The following PDGFRA variants were observed in gnomAD, a reference collection of about 807,000 sequenced individuals.
The protein encoded by PDGFRA is platelet-derived growth factor receptor alpha.
In PDGFRA, 25 loss-of-function variants were observed where a neutral mutation model predicts 121.5. The ratio of observed to expected loss-of-function variants is 0.21; its 90% confidence interval spans 0.15 to 0.29. The LOEUF is 0.29. Ranked by LOEUF, PDGFRA falls within the 10% of genes least tolerant of loss-of-function variation. The pLI is 1.00. For synonymous variants in PDGFRA, 463 were observed against 494.8 expected (o/e 0.94, Z 0.85); for missense variants, 1,008 against 1,345.1 (o/e 0.75, Z 3.92).
In PDGFRA at chr4:54,289,130, T is replaced by C; in HGVS notation, c.2880+16T>C. 1 of 1,415,318 alleles carries C rather than the reference T, an allele frequency of 7.1e-7. No individual in the cohort carries two copies. Among genetic ancestry groups the C allele is most frequent in the Non-Finnish European group, 1.0e-6 (1 of 998,622 alleles). The allele number at this position is 1,415,318 out of a possible 1,614,324, so 87.7% of individuals were successfully genotyped here. On this transcript the variant is annotated intron_variant, in intron 21 of 22. Coordinates refer to ENST00000257290, the MANE Select transcript of PDGFRA (RefSeq NM_006206.6). ...ATATAAAAAGGTGTGTTTGGATCTG[T>C]GGGTGGAAAGGTCTGGATAAAGCTG...
rs878854825 is a variant in PDGFRA, at chr4:54,277,450, C to G, written c.1849C>G (p.Arg617Gly). The G allele has an allele frequency of 6.2e-7, 1 of 1,613,976 alleles. No homozygotes were observed. Among genetic ancestry groups the G allele is most frequent in the South Asian group, 1.1e-5 (1 of 91,074 alleles). ...VVEGTAYGLSRSQPVMKVAVK... is the reference protein window; with the variant it reads ...VVEGTAYGLSGSQPVMKVAVK... Reference sequence around the variant, plus strand: ...TGAAGGAACAGCCTATGGATTAAGCCGGTCCCAACCTGTCATGAAAGTTGC... The same window carrying G: ...TGAAGGAACAGCCTATGGATTAAGCGGGTCCCAACCTGTCATGAAAGTTGC... Residue 617 changes from arginine (R) to glycine (G), a missense_variant, in exon 13 of 23, where the codon CGG (arginine) becomes GGG (glycine). This residue lies in a region of PDGFRA where 61 missense variants were observed against 125.3 expected (regional missense o/e 0.49). Transcript: ENST00000257290.
Position 54,239,937 on chromosome 4 carries a change from A to C in PDGFRA, c.-13+10522A>C, listed in dbSNP as rs373252471. 4.8e-4 allele frequency: 103 copies of C among 213,374 alleles called. 2 individuals are homozygous for C. The highest frequency in any genetic ancestry group is 4.2e-3 in the South Asian group (88 of 21,040). The allele number at this position is 213,374 out of a possible 1,614,324, so 13.2% of individuals were successfully genotyped here. On this transcript the variant is annotated intron_variant, in intron 1 of 22. Coordinates refer to ENST00000257290, the MANE Select transcript of PDGFRA (RefSeq NM_006206.6). ...ATAATCATGGCTCACTGAAGCCTGG[A>C]CCTCACTGGCTCAAGTGATCCTTCC...
chr4:54,295,502 T>G lies in PDGFRA; in HGVS notation c.*230T>G. The G allele has an allele frequency of 1.8e-6, 1 of 552,040 alleles. No homozygotes were observed. The highest frequency in any genetic ancestry group is 3.3e-6 in the Non-Finnish European group (1 of 306,292). The allele number at this position is 552,040 out of a possible 1,614,324, so 34.2% of individuals were successfully genotyped here. A position where few individuals can be genotyped will look rare whatever the true frequency, so the allele number is the denominator to read the frequency against. The stretch of plus-strand genomic sequence containing the variant: ...GCCTCAGTAGCATCTCAGTGGTGTG[T>G]GAAGTTTGGAGATAGATGGATAAGG... On this transcript the variant is annotated 3_prime_UTR_variant, in exon 23 of 23. Coordinates refer to ENST00000257290, the MANE Select transcript of PDGFRA (RefSeq NM_006206.6).
rs1423333178 is a variant in PDGFRA, at chr4:54,285,834, C to G, written c.2440-7C>G. On this transcript the variant is annotated splice_polypyrimidine_tract_variant and splice_region_variant and intron_variant, in intron 17 of 22. Transcript: ENST00000257290. ...GATCCTGAGTCATTTCTTCCTTTTC[C>G]ATGCAGTGTGTCCACCGTGATCTGG... 6.2e-7 allele frequency: 1 copy of G among 1,613,856 alleles called. No individual in the cohort carries two copies. Among genetic ancestry groups the G allele is most frequent in the Non-Finnish European group, 8.5e-7 (1 of 1,179,936 alleles).
intron 1 of PDGFRA, chr4:54,229,907 T>C (rs911784903): frequency 9.1e-6 from 1 of 110,452 alleles, no homozygotes; most frequent in Admixed American, 1.1e-4. Flanking sequence ...CTGCAGCCCA[T>C]GGTGTGGAGC....
At chr4:54,231,453 C>T (rs1198039042) in intron 1 of PDGFRA, among the ~76,000 whole-genome samples, 1 of 152,242 alleles carries the variant, frequency 6.6e-6, no homozygotes, top group African/African-American at 2.4e-5. Context: ...CAAACATCCC[C>T]GGAGCCACAG....
rs980423600 is a variant in PDGFRA at position 54,297,405 on chromosome 4, A to G, written c.*2133A>G. On this transcript the variant is annotated 3_prime_UTR_variant, in exon 23 of 23. Transcript: ENST00000257290. The stretch of plus-strand genomic sequence containing the variant: ...TGCGAAGACTGAGCCAGATTGGCCA[A>G]TTAAAAACGAAAACCTGACTAGGTT... 9 of 233,774 alleles carry G rather than the reference A, an allele frequency of 3.8e-5. No homozygotes were observed. Among genetic ancestry groups the G allele is most frequent in the African/African-American group, 1.5e-4 (7 of 45,492 alleles). 14.5% of individuals were successfully genotyped at this position (233,774 alleles called of 1,614,324 possible).
intron 5 of PDGFRA, among the ~76,000 whole-genome samples, chr4:54,266,411 C>CTTTTTTTTTTTT (rs552308043): frequency 1.5e-5 from 2 of 130,548 alleles, no homozygotes; most frequent in Non-Finnish European, 1.7e-5. Context: ...TTTCTTTTTT[C>CTTTTTTTTTTTT]TTTTTTTTTT....
rs1289764171 is a variant in PDGFRA, at chr4:54,267,174, T to C, written c.760-115T>C. On this transcript the variant is annotated intron_variant, in intron 5 of 22. Coordinates refer to ENST00000257290, the MANE Select transcript of PDGFRA (RefSeq NM_006206.6). ...CAACATCCCTACCATCCATTTGTTA[T>C]AACTGCTGAACCTCCATTGACACAT... 5 of 1,012,112 alleles carry C rather than the reference T, an allele frequency of 4.9e-6. No homozygotes were observed. In the African/African-American group the frequency reaches 7.9e-5, roughly 16 times the overall value. The allele number at this position is 1,012,112 out of a possible 1,614,324, so 62.7% of individuals were successfully genotyped here.
intron 18 of PDGFRA, among the ~76,000 whole-genome samples, 191 bp downstream of exon 18, chr4:54,286,154 G>A (rs1333326792): frequency 1.3e-5 from 2 of 152,060 alleles, no homozygotes; most frequent in Non-Finnish European, 2.9e-5. Flanking sequence ...ATTTGGATTT[G>A]GGGCTAGATA....
intron 1 of PDGFRA, among the ~76,000 whole-genome samples, chr4:54,237,881 TGA>T (rs1721099311): frequency 1.3e-5 from 2 of 152,196 alleles, no homozygotes; most frequent in South Asian, 2.1e-4. Context: ...GACCTTCCCT[TGA>T]GAGAGACCAT....
chr4:54,242,799 G>T (rs1023700182), intron 1 of PDGFRA, among the ~76,000 whole-genome samples: 4 of 152,088 alleles, frequency 2.6e-5, no homozygotes, highest in African/African-American at 9.7e-5. Flanking sequence ...AGGTGCCACA[G>T]ACCTCGTTTT....
chr4:54,268,605 C>T (rs1004093383), intron 7 of PDGFRA, among the ~76,000 whole-genome samples: 5 of 152,170 alleles, frequency 3.3e-5, no homozygotes, highest in Non-Finnish European at 7.3e-5. Context: ...GATTTGCTTT[C>T]TTCTTTGTGA....
rs538968239 is a variant in PDGFRA at position 54,248,399 on chromosome 4, A to C, written c.-12-10358A>C. ...ATCAATGGAACAGAACAGAACCCTC[A>C]GAAATAACGCCGCATATCTACAACT... On this transcript the variant is annotated intron_variant, in intron 1 of 22. Coordinates refer to ENST00000257290, the MANE Select transcript of PDGFRA (RefSeq NM_006206.6). 6.9e-3 allele frequency among the ~76,000 whole-genome samples: 1,057 copies of C among 152,358 alleles called. 9 individuals carry two copies. The highest frequency in any genetic ancestry group is 0.024 in the African/African-American group (996 of 41,582).
At chr4:54,270,792 G>A (rs1482083913) in intron 8 of PDGFRA, 44 bp downstream of exon 8, 4 of 1,109,760 alleles carry the variant, frequency 3.6e-6, no homozygotes, top group Non-Finnish European at 2.8e-6. Flanking sequence ...CTGTAGATGA[G>A]TGTCTTCCAA....
At chr4:54,253,924 A>G (rs1722207868) in intron 1 of PDGFRA, among the ~76,000 whole-genome samples, 1 of 152,094 alleles carries the variant, frequency 6.6e-6, no homozygotes, top group African/African-American at 2.4e-5. Context: ...ACCTCAAGTG[A>G]TTCACCCACC....
chr4:54,239,990 A>G (rs1343559478), intron 1 of PDGFRA: 7 of 384,296 alleles, frequency 1.8e-5, no homozygotes, highest in Non-Finnish European at 3.7e-5. Context: ...AGCTGGGACT[A>G]TAGGCATGCA....
intron 21 of PDGFRA, among the ~76,000 whole-genome samples, chr4:54,289,663 T>C (rs894502283): frequency 5.3e-5 from 8 of 152,236 alleles, no homozygotes; most frequent in African/African-American, 1.9e-4. Context: ...GATTAGTCCC[T>C]GTGTAGACTT....
intron 1 of PDGFRA, among the ~76,000 whole-genome samples, chr4:54,245,401 C>T (rs1721581892): frequency 6.6e-6 from 1 of 152,016 alleles, no homozygotes; most frequent in Non-Finnish European, 1.5e-5. Flanking sequence ...AGAGTGGGGG[C>T]CAATATTCAA....
Sources: gnomAD v4.1 joint callset for allele counts (sites outside exome capture counted in the v4.1 genomes callset) on GRCh38, gnomAD v4.1.1 for gene constraint, gnomAD v4.1.1 regional missense constraint, MANE v1.5 for transcripts, NCBI Gene and HGNC (gene_info 2026-07-23, HGNC 2026-07-21) for gene names.